KCNJ10: variants seen among roughly 807,000 people sequenced by gnomAD.
KCNJ10 encodes the protein ATP-sensitive inward rectifier potassium channel 10.
A neutral mutation model predicts 22.2 loss-of-function variants in KCNJ10; 9 were observed. The ratio of observed to expected loss-of-function variants is 0.40; its 90% CI spans 0.24 to 0.71. The LOEUF (loss-of-function observed/expected upper bound fraction) is 0.71. Ranked by LOEUF, KCNJ10 falls within the 30% of genes least tolerant of loss-of-function variation. The probability of loss-of-function intolerance (pLI) is 0.35; values close to 1 mark genes in which losing one functional copy is unlikely to be tolerated. For synonymous variants in KCNJ10, 184 were observed against 187.3 expected (o/e 0.98, Z 0.15); for missense variants, 337 against 482.7 (o/e 0.70, Z 2.83).
chr1:160,043,963 C>T (rs1234854468), intron 1 of KCNJ10, among the ~76,000 whole-genome samples: 1 of 152,208 alleles, frequency 6.6e-6, no homozygotes, highest in Non-Finnish European at 1.5e-5. Flanking sequence ...CTTGGAGAGG[C>T]TCATTACATT....
chr1:160,059,188 C>A (rs1649123784), intron 1 of KCNJ10, among the ~76,000 whole-genome samples: 1 of 152,200 alleles, frequency 6.6e-6, no homozygotes, highest in South Asian at 2.1e-4. Context: ...CAAGTTGAAC[C>A]CAGGCCTGCT....
chr1:160,054,405 G>A (rs533190937), intron 1 of KCNJ10, among the ~76,000 whole-genome samples: 71 of 152,292 alleles, frequency 4.7e-4, no homozygotes, highest in African/African-American at 1.7e-3. Context: ...CCTCACCTCA[G>A]AAGAACATCT....
Position 160,041,751 on chromosome 1 carries a change from T to G in KCNJ10, c.782A>C (p.Glu261Ala). 1 of 1,614,128 alleles carries G rather than the reference T, an allele frequency of 6.2e-7. No individual in the cohort carries two copies. Among genetic ancestry groups the G allele is most frequent in the Non-Finnish European group, 8.5e-7 (1 of 1,180,000 alleles). ...LPLTFYHVVD[E>A]TSPLKDLPLR... is the part of the protein sequence containing the mutation. The stretch of plus-strand genomic sequence containing the variant: ...AGGGAGATCTTTCAAGGGACTGGTC[T>G]CATCTACCACATGATAGAAGGTAAG... The change falls in exon 2 of 2, where the codon GAG (glutamate) becomes GCG (alanine). Residue 261 changes from glutamate (E) to alanine (A), a missense_variant. Glu to Ala is a moderately radical substitution (Grantham distance 107). Around this residue, in one of 3 missense-constraint regions of KCNJ10, gnomAD observed 165 missense variants for 281.5 expected, o/e 0.59. Transcript: ENST00000644903. This position sits in a 1 kb window ranked among gnomAD's most constrained non-coding sequence, Gnocchi z 4.4.
chr1:160,044,125 G>A (rs369192384), intron 1 of KCNJ10, among the ~76,000 whole-genome samples: 13 of 152,150 alleles, frequency 8.5e-5, no homozygotes, highest in African/African-American at 3.1e-4. Flanking sequence ...CACTGAATTG[G>A]AGATCACCAA....
chr1:160,048,835 T>A (rs1383501556), intron 1 of KCNJ10, among the ~76,000 whole-genome samples: 1 of 152,194 alleles, frequency 6.6e-6, no homozygotes, highest in Non-Finnish European at 1.5e-5. Context: ...CATTCCATTG[T>A]CTTTTTTCAG....
intron 1 of KCNJ10, among the ~76,000 whole-genome samples, chr1:160,051,346 A>T (rs1465039120): frequency 6.6e-6 from 1 of 152,132 alleles, no homozygotes; most frequent in Non-Finnish European, 1.5e-5. Context: ...ACTATCATGT[A>T]TTGAATGCCT....
chr1:160,042,512 C>A lies in KCNJ10; in HGVS notation c.21G>T (p.Val7=), dbSNP rs750227861. 1 of 1,614,128 alleles carries A rather than the reference C, an allele frequency of 6.2e-7. No homozygotes were observed. Among genetic ancestry groups the A allele is most frequent in the Non-Finnish European group, 8.5e-7 (1 of 1,180,040 alleles). Residue 7 remains valine, a synonymous_variant, in exon 2 of 2, where the codon GTG becomes GTT. Coordinates refer to ENST00000644903, the MANE Select transcript of KCNJ10 (RefSeq NM_002241.5). Reference sequence around the variant, plus strand: ...CTGTCTGAGTGGTCTGACTGTAATACACCTTGGCAACTGACGTCATCTGGA... The same window carrying A: ...CTGTCTGAGTGGTCTGACTGTAATAAACCTTGGCAACTGACGTCATCTGGA... The part of the protein sequence containing the change: MTSVAK[V]YYSQTTQTES...
chr1:160,067,249 C>T (rs1649342634), intron 1 of KCNJ10, among the ~76,000 whole-genome samples: 1 of 152,200 alleles, frequency 6.6e-6, no homozygotes, highest in Admixed American at 6.5e-5. Context: ...ATCCCTTTCT[C>T]TTTGCCCTTT....
chr1:160,054,100 C>A (rs563598454), intron 1 of KCNJ10, among the ~76,000 whole-genome samples: 2 of 152,180 alleles, frequency 1.3e-5, no homozygotes, highest in Non-Finnish European at 2.9e-5. Context: ...CCTGTTTCGC[C>A]GGCTGGAGAG....
chr1:160,042,315 G>A lies in KCNJ10; in HGVS notation c.218C>T (p.Ala73Val), dbSNP rs758441824. Residue 73 changes from alanine to valine, a missense_variant, in exon 2 of 2, where the codon GCG becomes GTG. By Grantham distance (64) the Ala-to-Val change is moderately conservative. Transcript: ENST00000644903. ...GAGGAACCATGTGCCTGCAAAGGTC[G>A]CAGAGAAGAGCAGAAGCTTGTAGCG... ...QWRYKLLLFS[A>V]TFAGTWFLFG... 1.1e-5 allele frequency: 17 copies of A among 1,613,330 alleles called. No individual in the cohort carries two copies. The highest frequency in any genetic ancestry group is 2.2e-5 in the South Asian group (2 of 91,068).
chr1:160,047,166 G>C (rs1648761301), intron 1 of KCNJ10, among the ~76,000 whole-genome samples: 1 of 152,160 alleles, frequency 6.6e-6, no homozygotes, highest in Non-Finnish European at 1.5e-5. Flanking sequence ...CTACTTGAGA[G>C]TCATTTATTC....
rs1215382627 is a variant in KCNJ10 at position 160,039,665 on chromosome 1, A to G, written c.*1728T>C. Reference sequence around the variant, plus strand: ...TTCGAGGAGAGATCAATATAACAAGACCTTGTGCAATTATAGTTGGTGGTG... The same window carrying G: ...TTCGAGGAGAGATCAATATAACAAGGCCTTGTGCAATTATAGTTGGTGGTG... On this transcript the variant is annotated 3_prime_UTR_variant, in exon 2 of 2. Transcript: ENST00000644903. 1 of 152,224 alleles carries G rather than the reference A, an allele frequency of 6.6e-6. No homozygotes were observed. Among genetic ancestry groups the G allele is most frequent in the Non-Finnish European group, 1.5e-5 (1 of 68,058 alleles). 9.4% of individuals were successfully genotyped at this position (152,224 alleles called of 1,614,324 possible).
chr1:160,041,505 C>T lies in KCNJ10; in HGVS notation c.1028G>A (p.Arg343His), dbSNP rs764034536. 65 of 1,613,998 alleles carry T rather than the reference C, an allele frequency of 4.0e-5. No individual in the cohort carries two copies. Among genetic ancestry groups the T allele is most frequent in the East Asian group, 8.9e-5 (4 of 44,894 alleles). Residue 343 changes from arginine (R) to histidine (H), a missense_variant, in exon 2 of 2, where the codon CGT (arginine) becomes CAT (histidine). Physicochemically the swap from Arg to His is conservative, Grantham distance 29 (BLOSUM62 0). Transcript: ENST00000644903. This position sits in a 1 kb window ranked among gnomAD's most constrained non-coding sequence, Gnocchi z 4.4. ...GTCTCCGTAGCGTACAGTGCTGTCA[C>T]GGAGGCCACTAGGAGAGGCCACTTT... ...VVKVASPSGL[R>H]DSTVRYGDPE...
rs1357971127 is a variant in KCNJ10, at chr1:160,039,207, A to G, written c.*2186T>C. 1 of 152,618 alleles carries G rather than the reference A, an allele frequency of 6.6e-6. No homozygotes were observed. Among genetic ancestry groups the G allele is most frequent in the African/African-American group, 2.4e-5 (1 of 41,422 alleles). The allele number at this position is 152,618 out of a possible 1,614,324, so 9.5% of individuals were successfully genotyped here. A position where few individuals can be genotyped will look rare whatever the true frequency, so the allele number is the denominator to read the frequency against. On this transcript the variant is annotated 3_prime_UTR_variant, in exon 2 of 2. Transcript: ENST00000644903. ...CAAAGCCTGGGTAATAATGGAGGAGATTCCAAAAGGGTAAGTCAGAAAATG... is the reference window on the plus strand; with the variant it reads ...CAAAGCCTGGGTAATAATGGAGGAGGTTCCAAAAGGGTAAGTCAGAAAATG...
intron 1 of KCNJ10, among the ~76,000 whole-genome samples, chr1:160,069,127 G>T (rs144680129): frequency 6.6e-6 from 1 of 152,178 alleles, no homozygotes; most frequent in Non-Finnish European, 1.5e-5. Context: ...CCTGCCTGGG[G>T]CACTCACTGG....
At chr1:160,060,709 T>A (rs549096483) in intron 1 of KCNJ10, among the ~76,000 whole-genome samples, 1 of 152,300 alleles carries the variant, frequency 6.6e-6, no homozygotes, top group South Asian at 2.1e-4. Flanking sequence ...CCAATGGGCC[T>A]TCCTCTCTTC....
chr1:160,060,745 T>C (rs1649171200), intron 1 of KCNJ10, among the ~76,000 whole-genome samples: 1 of 152,136 alleles, frequency 6.6e-6, no homozygotes, highest in African/African-American at 2.4e-5. Context: ...TGCTCCCAAC[T>C]GCTAGAAGAT....
chr1:160,055,268 AT>A (rs1265584237), intron 1 of KCNJ10, among the ~76,000 whole-genome samples: 1 of 152,150 alleles, frequency 6.6e-6, no homozygotes, highest in Non-Finnish European at 1.5e-5. Flanking sequence ...GAATTACTCC[AT>A]TTGCCCCACA....
chr1:160,055,035 G>A (rs909459906), intron 1 of KCNJ10, among the ~76,000 whole-genome samples: 1 of 152,154 alleles, frequency 6.6e-6, no homozygotes. Context: ...ACCCTTGCCT[G>A]CGCAGTTGCC....
Sources: allele counts gnomAD v4.1 joint callset (sites outside exome capture counted in the v4.1 genomes callset), GRCh38; gene constraint gnomAD v4.1.1; regional missense constraint gnomAD v4.1.1; non-coding constraint Gnocchi (gnomAD v3.1); transcripts MANE v1.5; gene names NCBI Gene and HGNC (gene_info 2026-07-23, HGNC 2026-07-21).